The following ABTB3 variants were observed in gnomAD, a reference collection of about 807,000 sequenced individuals.
ABTB3 encodes the protein ankyrin repeat and BTB domain containing 3.
the ABTB3 span, among the ~76,000 whole-genome samples, chr12:107,586,856 A>G: frequency 6.6e-6 from 1 of 152,248 alleles, no homozygotes; most frequent in African/African-American, 2.4e-5. Flanking sequence ...TGACTGCTCT[A>G]GAGAGGTCAG....
chr12:107,487,141 T>A, the ABTB3 span, among the ~76,000 whole-genome samples: 5 of 152,136 alleles, frequency 3.3e-5, no homozygotes, highest in Non-Finnish European at 4.4e-5. Context: ...TAGTGCCCAA[T>A]GCATAGAGAT....
the ABTB3 span, among the ~76,000 whole-genome samples, chr12:107,384,640 G>A: frequency 6.6e-6 from 1 of 152,138 alleles, no homozygotes; most frequent in South Asian, 2.1e-4. Context: ...ACATCCCCTG[G>A]GAATAGCTCT....
At chr12:107,470,830 T>C in the ABTB3 span, among the ~76,000 whole-genome samples, 6 of 151,446 alleles carry the variant, frequency 4.0e-5, no homozygotes, top group African/African-American at 1.5e-4. Flanking sequence ...ACGGAGAAGG[T>C]GCCAAGCCAT....
chr12:107,403,428 C>T, the ABTB3 span, among the ~76,000 whole-genome samples: 2 of 152,158 alleles, frequency 1.3e-5, no homozygotes, highest in Non-Finnish European at 2.9e-5. Context: ...CCAGCTACTA[C>T]ATCTCCCTAT....
the ABTB3 span, among the ~76,000 whole-genome samples, chr12:107,499,381 T>TGTGTGC: frequency 6.6e-5 from 10 of 151,476 alleles, no homozygotes; most frequent in African/African-American, 2.4e-4. Flanking sequence ...TGTGTGTGTG[T>TGTGTGC]GCGTGTGGTG....
the ABTB3 span, among the ~76,000 whole-genome samples, chr12:107,525,460 G>A: frequency 1.3e-5 from 2 of 151,372 alleles, no homozygotes; most frequent in East Asian, 1.9e-4. Context: ...ATTGTGTTAC[G>A]ATTGCCCACA....
chr12:107,626,343 C>CTTTTTT, the ABTB3 span, among the ~76,000 whole-genome samples: 6 of 112,528 alleles, frequency 5.3e-5, no homozygotes, highest in African/African-American at 1.1e-4. Context: ...CTATCGTCAT[C>CTTTTTT]TTTTTTTTTT....
the ABTB3 span, among the ~76,000 whole-genome samples, chr12:107,654,252 G>A: frequency 2.0e-5 from 3 of 152,128 alleles, no homozygotes; most frequent in Non-Finnish European, 2.9e-5. Context: ...CTATGAACAT[G>A]GGTGTACAAA....
the ABTB3 span, among the ~76,000 whole-genome samples, chr12:107,555,836 C>T: frequency 6.6e-6 from 1 of 152,084 alleles, no homozygotes; most frequent in African/African-American, 2.4e-5. Flanking sequence ...AGGTAGTATC[C>T]CCCTTCCAGA....
At chr12:107,599,032 G>A in the ABTB3 span, among the ~76,000 whole-genome samples, 1 of 152,168 alleles carries the variant, frequency 6.6e-6, no homozygotes, top group Non-Finnish European at 1.5e-5. Context: ...CAGAGTTGAT[G>A]CACAAGTTGA....
chr12:107,392,121 G>A, the ABTB3 span, among the ~76,000 whole-genome samples: 1 of 152,198 alleles, frequency 6.6e-6, no homozygotes, highest in African/African-American at 2.4e-5. Context: ...GCCCTGTGCA[G>A]AGCACACAGT....
At chr12:107,542,951 G>A in the ABTB3 span, among the ~76,000 whole-genome samples, 1 of 152,174 alleles carries the variant, frequency 6.6e-6, no homozygotes, top group African/African-American at 2.4e-5. Flanking sequence ...GGGTGGCAGA[G>A]GTGGAAGAAA....
At chr12:107,464,244 T>C in the ABTB3 span, among the ~76,000 whole-genome samples, 106 of 150,274 alleles carry the variant, frequency 7.1e-4, 1 homozygote, top group Admixed American at 4.6e-3. Context: ...TGTGTGTGTG[T>C]GTGTGTGTGT....
the ABTB3 span, among the ~76,000 whole-genome samples, chr12:107,549,565 G>T: frequency 6.6e-6 from 1 of 152,238 alleles, no homozygotes; most frequent in Non-Finnish European, 1.5e-5. Context: ...AACCTCTCAT[G>T]ACTGCTTAAA....
At chr12:107,383,641 G>GTTCT in the ABTB3 span, among the ~76,000 whole-genome samples, 1 of 152,210 alleles carries the variant, frequency 6.6e-6, no homozygotes, top group Non-Finnish European at 1.5e-5. Context: ...ACAGGCGCCT[G>GTTCT]TTCTCTGCCT....
At chr12:107,581,278 C>A in the ABTB3 span, 6 of 1,473,734 alleles carry the variant, frequency 4.1e-6, no homozygotes, top group Non-Finnish European at 4.5e-6. Context: ...TGCTGCCCGG[C>A]GTGGACTGCG....
At chr12:107,365,310 C>G in the ABTB3 span, among the ~76,000 whole-genome samples, 2 of 152,148 alleles carry the variant, frequency 1.3e-5, no homozygotes, top group Non-Finnish European at 2.9e-5. Context: ...GCAAACTTTT[C>G]TGAACCCTCA....
the ABTB3 span, among the ~76,000 whole-genome samples, chr12:107,456,269 G>C: frequency 5.0e-3 from 754 of 152,300 alleles, 6 homozygotes; most frequent in African/African-American, 0.017. Context: ...TGAGCTATGG[G>C]CTTGTACTGG....
At chr12:107,629,792 C>T in the ABTB3 span, among the ~76,000 whole-genome samples, 908 of 152,248 alleles carry the variant, frequency 6.0e-3, 33 homozygotes, top group Non-Finnish European at 1.4e-3. Context: ...CACTCATTCC[C>T]GCCTCCAGAA....
Sources: allele counts gnomAD v4.1 joint callset (sites outside exome capture counted in the v4.1 genomes callset), GRCh38; gene constraint gnomAD v4.1.1; transcripts MANE v1.5; gene names NCBI Gene and HGNC (gene_info 2026-07-23, HGNC 2026-07-21).